Variants in HS3ST3A1 observed in about 807,000 individuals in gnomAD.
The protein encoded by HS3ST3A1 is heparan sulfate glucosamine 3-O-sulfotransferase 3A1.
A neutral mutation model predicts 25.7 loss-of-function variants in HS3ST3A1; 19 were observed. That is an observed-to-expected ratio of 0.74 (90% CI 0.52 to 1.08). HS3ST3A1 has a LOEUF of 1.08. Among genes scored for constraint, HS3ST3A1 ranks in the 50% least tolerant of loss-of-function variants. HS3ST3A1 has a pLI of 0.00. For synonymous variants in HS3ST3A1, 226 were observed against 278.6 expected, an observed-to-expected ratio of 0.81 and a Z score of 1.88; for missense variants, 459 against 594.3, an observed-to-expected ratio of 0.77 and a Z score of 2.37.
intron 1 of HS3ST3A1, among the ~76,000 whole-genome samples, chr17:13,500,507 G>A (rs1200303293): frequency 6.6e-6 from 1 of 152,200 alleles, no homozygotes; most frequent in African/African-American, 2.4e-5. Flanking sequence ...GATAAATCAC[G>A]TGAGGTTTGC....
intron 1 of HS3ST3A1, among the ~76,000 whole-genome samples, chr17:13,552,955 A>C (rs560461250): frequency 1.3e-4 from 20 of 152,296 alleles, no homozygotes; most frequent in Admixed American, 1.1e-3. Context: ...GAGAATTATA[A>C]TTGACTGCCT....
intron 1 of HS3ST3A1, among the ~76,000 whole-genome samples, chr17:13,531,749 C>T (rs1048660995): frequency 2.6e-5 from 4 of 152,278 alleles, no homozygotes; most frequent in East Asian, 1.9e-4. Context: ...ATACTTACTC[C>T]AAACACATTA....
chr17:13,523,195 T>C (rs1271503657), intron 1 of HS3ST3A1, among the ~76,000 whole-genome samples: 1 of 152,192 alleles, frequency 6.6e-6, no homozygotes, highest in African/African-American at 2.4e-5. Flanking sequence ...AAATATTTCC[T>C]TTCTAGAAAA....
Position 13,496,684 on chromosome 17 carries a change from G to A in HS3ST3A1, c.734C>T (p.Pro245Leu), listed in dbSNP as rs1905288799. 1.9e-6 allele frequency: 3 copies of A among 1,613,940 alleles called. No individual in the cohort carries two copies. The highest frequency in any genetic ancestry group is 2.5e-6 in the Non-Finnish European group (3 of 1,179,954). The change falls in exon 2 of 2, where the codon CCG becomes CTG. Residue 245 changes from proline (P) to leucine (L), a missense_variant. Pro to Leu is a moderately conservative substitution (Grantham distance 98). Transcript: ENST00000284110. ...GTAGTCCGAGATGGCCCTGGTCACC[G>A]GGTCCCGCACCACCACGATGAGCTT... is the stretch of plus-strand genomic sequence containing the variant. ...DTKLIVVVRD[P>L]VTRAISDYTQ...
intron 1 of HS3ST3A1, among the ~76,000 whole-genome samples, chr17:13,502,879 T>A (rs9903707): frequency 7.4e-5 from 11 of 148,558 alleles, no homozygotes; most frequent in African/African-American, 4.9e-5. Context: ...GTAACTATAA[T>A]GAAAAAAAAA....
intron 1 of HS3ST3A1, among the ~76,000 whole-genome samples, chr17:13,546,564 C>T (rs1313184937): frequency 2.6e-5 from 4 of 152,328 alleles, no homozygotes; most frequent in Admixed American, 2.0e-4. Context: ...CTGCGCCCAG[C>T]CCATATTACG....
intron 1 of HS3ST3A1, among the ~76,000 whole-genome samples, chr17:13,501,301 C>T (rs867107238): frequency 2.7e-5 from 4 of 150,904 alleles, no homozygotes; most frequent in Middle Eastern, 3.4e-3. Flanking sequence ...CACATAACAA[C>T]GTGTATGTAC....
chr17:13,594,408 T>C (rs8065036), intron 1 of HS3ST3A1, among the ~76,000 whole-genome samples: 18,571 of 152,192 alleles, frequency 0.12, 1,232 homozygotes, highest in African/African-American at 0.18. Context: ...AGCTGTCCCG[T>C]GTGTGGTGGA....
chr17:13,582,602 C>CTTTT (rs1908146249), intron 1 of HS3ST3A1, among the ~76,000 whole-genome samples: 2 of 152,210 alleles, frequency 1.3e-5, no homozygotes, highest in Non-Finnish European at 2.9e-5. Context: ...ATGTGGTTTG[C>CTTTT]TAAACGATCA....
chr17:13,593,252 A>AAAAAAAAAAAAAAAAAG (rs1567632567), intron 1 of HS3ST3A1, among the ~76,000 whole-genome samples: 7 of 151,056 alleles, frequency 4.6e-5, no homozygotes, highest in African/African-American at 1.7e-4. Flanking sequence ...AAAAAAAAAA[A>AAAAAAAAAAAAAAAAAG]AGTCATACGC....
At chr17:13,552,177 T>C (rs1907263459) in intron 1 of HS3ST3A1, among the ~76,000 whole-genome samples, 1 of 152,194 alleles carries the variant, frequency 6.6e-6, no homozygotes, top group Admixed American at 6.5e-5. Flanking sequence ...CCTCCCAGGT[T>C]CACATGATTC....
Position 13,495,536 on chromosome 17 carries a change from ATGAAATAGGGAACAAGT to A in HS3ST3A1, c.*644_*660del, listed in dbSNP as rs1158521829. Among the ~76,000 whole-genome samples, 8 of 152,348 alleles carry A rather than the reference ATGAAATAGGGAACAAGT, an allele frequency of 5.3e-5. No homozygotes were observed. In the East Asian group the frequency reaches 1.4e-3, roughly 26 times the overall value. ...TTCCATTCTCCCTGGAAAAAGTGAC[ATGAAATAGGGAACAAGT>A]GGAAGATGGAATTTTGTCCAGGGTC... On this transcript the variant is annotated 3_prime_UTR_variant, in exon 2 of 2. Coordinates refer to ENST00000284110, the MANE Select transcript of HS3ST3A1 (RefSeq NM_006042.3).
At chr17:13,563,215 C>T (rs141297608) in intron 1 of HS3ST3A1, among the ~76,000 whole-genome samples, 55 of 151,934 alleles carry the variant, frequency 3.6e-4, no homozygotes, top group African/African-American at 1.1e-3. Flanking sequence ...TTCGCCAGAA[C>T]CGCAGCAAAG....
intron 1 of HS3ST3A1, among the ~76,000 whole-genome samples, chr17:13,593,423 G>A (rs1908487713): frequency 6.6e-6 from 1 of 152,136 alleles, no homozygotes; most frequent in African/African-American, 2.4e-5. Flanking sequence ...AAGACAGAAA[G>A]AAAGGAATAC....
chr17:13,511,495 G>A (rs1276062367), intron 1 of HS3ST3A1, among the ~76,000 whole-genome samples: 1 of 151,848 alleles, frequency 6.6e-6, no homozygotes, highest in African/African-American at 2.4e-5. Flanking sequence ...TCATTTCCTG[G>A]TATTACTGAG....
chr17:13,592,256 T>C (rs1908446600), intron 1 of HS3ST3A1, among the ~76,000 whole-genome samples: 1 of 152,204 alleles, frequency 6.6e-6, no homozygotes, highest in African/African-American at 2.4e-5. Context: ...GAGCCTCTTT[T>C]CTGATCTATA....
At chr17:13,541,658 G>A (rs143388655) in intron 1 of HS3ST3A1, among the ~76,000 whole-genome samples, 2 of 152,294 alleles carry the variant, frequency 1.3e-5, no homozygotes, top group East Asian at 1.9e-4. Flanking sequence ...TTCTTTAGTA[G>A]AATCATACCC....
intron 1 of HS3ST3A1, among the ~76,000 whole-genome samples, chr17:13,514,987 C>T (rs565990099): frequency 6.6e-6 from 1 of 152,242 alleles, no homozygotes; most frequent in East Asian, 1.9e-4. Context: ...AAAGTCATCT[C>T]TTCCTAAACT....
chr17:13,509,088 G>T (rs939979973), intron 1 of HS3ST3A1, among the ~76,000 whole-genome samples: 15 of 152,014 alleles, frequency 9.9e-5, no homozygotes, highest in Non-Finnish European at 1.6e-4. Flanking sequence ...GTACTTCCTG[G>T]CATTTAAACA....
Sources: allele counts gnomAD v4.1 joint callset (sites outside exome capture counted in the v4.1 genomes callset), GRCh38; gene constraint gnomAD v4.1.1; transcripts MANE v1.5; gene names NCBI Gene and HGNC (gene_info 2026-07-23, HGNC 2026-07-21).